Variants in PCDH7 observed in about 807,000 individuals in gnomAD.
The protein encoded by PCDH7 is protocadherin 7.
A neutral mutation model predicts 58.9 loss-of-function variants in PCDH7; 17 were observed. The ratio of observed to expected loss-of-function variants is 0.29; its 90% CI spans 0.20 to 0.43. The LOEUF (loss-of-function observed/expected upper bound fraction) is 0.43, where lower values mean the gene tolerates loss of function less well. Among genes scored for constraint, PCDH7 ranks in the 20% least tolerant of loss-of-function variants. PCDH7 has a pLI of 1.00. For synonymous variants in PCDH7, 664 were observed against 616.4 expected (o/e 1.08, Z -1.14); for missense variants, 1,274 against 1,441.0 (o/e 0.88, Z 1.88).
intron 1 of PCDH7, among the ~76,000 whole-genome samples, chr4:30,914,650 A>T (rs932476964): frequency 5.3e-5 from 8 of 152,232 alleles, no homozygotes; most frequent in Admixed American, 2.0e-4. Context: ...TTTCTTAAAA[A>T]GCATCAAAAC....
chr4:31,034,275 G>A (rs1208116668), intron 3 of PCDH7, among the ~76,000 whole-genome samples: 2 of 151,948 alleles, frequency 1.3e-5, no homozygotes, highest in South Asian at 2.1e-4. Flanking sequence ...GGCTTCAGAG[G>A]CATATTAAAT....
intron 1 of PCDH7, among the ~76,000 whole-genome samples, chr4:30,856,295 G>C (rs1412380167): frequency 6.6e-6 from 1 of 151,920 alleles, no homozygotes; most frequent in Non-Finnish European, 1.5e-5. Flanking sequence ...TTTTGCTTCT[G>C]AACAGAGAGA....
intron 1 of PCDH7, chr4:30,786,816 T>G (rs753842125): frequency 3.3e-6 from 3 of 900,564 alleles, no homozygotes; most frequent in Non-Finnish European, 4.0e-6. Flanking sequence ...ATATATGCAG[T>G]GTTCCAACTC....
Position 30,722,689 on chromosome 4 carries a change from AT to A in PCDH7, c.1268del (p.Ile423ThrfsTer99), listed in dbSNP as rs1713864229. The A allele has an allele frequency of 6.2e-7, 1 of 1,613,512 alleles. No individual in the cohort carries two copies. The highest frequency in any genetic ancestry group is 1.3e-5 in the African/African-American group (1 of 74,950). ...CATTGAAATCCGCAAGATTGGGCGC[AT>A]CCCCCTCAAGGACGGGGTGGCCAAC... On this transcript the variant is annotated frameshift_variant, in exon 1 of 2. Transcript: ENST00000361762. LOFTEE classifies it high-confidence loss of function. This position sits in a 1 kb window ranked among gnomAD's most constrained non-coding sequence, Gnocchi z 7.6.
intron 1 of PCDH7, among the ~76,000 whole-genome samples, chr4:30,862,880 G>T (rs574117673): frequency 6.6e-6 from 1 of 151,876 alleles, no homozygotes; most frequent in Non-Finnish European, 1.5e-5. Context: ...ATTTAGTGTC[G>T]CCCTGAACCA....
chr4:30,882,107 CCCT>C (rs1045993676), intron 1 of PCDH7, among the ~76,000 whole-genome samples: 6 of 143,662 alleles, frequency 4.2e-5, no homozygotes, highest in East Asian at 2.1e-4. Context: ...CCCCTCCTCC[CCCT>C]CCTCCTCCTC....
intron 1 of PCDH7, among the ~76,000 whole-genome samples, chr4:30,889,284 A>G (rs1017813436): frequency 1.3e-5 from 2 of 152,034 alleles, no homozygotes; most frequent in African/African-American, 4.8e-5. Flanking sequence ...CAGGCAGTTA[A>G]CTATGGTTTG....
chr4:31,082,933 C>G (rs550729182), intron 3 of PCDH7, among the ~76,000 whole-genome samples: 1 of 152,146 alleles, frequency 6.6e-6, no homozygotes, highest in African/African-American at 2.4e-5. Flanking sequence ...ATGGTGAAAC[C>G]CCGTCTCTAC....
At chr4:30,726,864 C>G (rs1228953429) in intron 1 of PCDH7, among the ~76,000 whole-genome samples, 2 of 151,950 alleles carry the variant, frequency 1.3e-5, no homozygotes, top group Non-Finnish European at 2.9e-5. Flanking sequence ...GATCCATTTA[C>G]AAAGTTACAT....
intron 1 of PCDH7, among the ~76,000 whole-genome samples, chr4:30,871,984 T>G (rs1735663913): frequency 6.6e-6 from 1 of 152,090 alleles, no homozygotes; most frequent in African/African-American, 2.4e-5. Context: ...ACACTAGTCA[T>G]ATTGGATTAG....
chr4:30,782,874 G>C (rs1357251586), intron 1 of PCDH7, among the ~76,000 whole-genome samples: 3 of 152,132 alleles, frequency 2.0e-5, no homozygotes, highest in Admixed American at 2.0e-4. Flanking sequence ...TCTCGAATGA[G>C]GGTCTTATGA....
At chr4:30,782,486 C>T (rs1722927014) in intron 1 of PCDH7, among the ~76,000 whole-genome samples, 1 of 152,110 alleles carries the variant, frequency 6.6e-6, no homozygotes, top group African/African-American at 2.4e-5. Context: ...TAGTTAAATG[C>T]AATCTTGTAA....
intron 3 of PCDH7, among the ~76,000 whole-genome samples, chr4:31,084,538 C>A (rs150328513): frequency 2.6e-4 from 39 of 150,992 alleles, no homozygotes; most frequent in Admixed American, 1.3e-3. Flanking sequence ...GCAGGCTATA[C>A]AGGAAGCATG....
At chr4:30,808,270 G>C (rs113252050) in intron 1 of PCDH7, among the ~76,000 whole-genome samples, 3 of 152,028 alleles carry the variant, frequency 2.0e-5, no homozygotes, top group African/African-American at 7.2e-5. Context: ...TAAAATATTC[G>C]GTAATTTTTC....
intron 3 of PCDH7, among the ~76,000 whole-genome samples, chr4:31,133,810 A>G (rs1355584665): frequency 6.6e-6 from 1 of 152,198 alleles, no homozygotes; most frequent in South Asian, 2.1e-4. Context: ...TCCACTCTAT[A>G]TAATAATGCC....
intron 1 of PCDH7, among the ~76,000 whole-genome samples, chr4:30,745,310 T>C (rs955729651): frequency 6.6e-6 from 1 of 151,982 alleles, no homozygotes; most frequent in Non-Finnish European, 1.5e-5. Context: ...TGGAGAACAA[T>C]TATAATGACT....
At chr4:31,137,223 GA>G (rs1578894285) in intron 3 of PCDH7, among the ~76,000 whole-genome samples, 2 of 152,058 alleles carry the variant, frequency 1.3e-5, no homozygotes, top group African/African-American at 4.8e-5. Context: ...CTTTAAAAAG[GA>G]AAAAAGGAAA....
At chr4:30,799,118 C>G (rs1725181728) in intron 1 of PCDH7, among the ~76,000 whole-genome samples, 1 of 152,036 alleles carries the variant, frequency 6.6e-6, no homozygotes, top group African/African-American at 2.4e-5. Flanking sequence ...TTTCTTTCTC[C>G]TTTCTTTTTT....
intron 3 of PCDH7, among the ~76,000 whole-genome samples, chr4:31,098,850 G>T (rs1714518168): frequency 6.6e-6 from 1 of 152,148 alleles, no homozygotes; most frequent in Admixed American, 6.5e-5. Context: ...AGTTCTGGAG[G>T]CTGAAAGTCA....
Sources: allele counts gnomAD v4.1 joint callset (sites outside exome capture counted in the v4.1 genomes callset), GRCh38; gene constraint gnomAD v4.1.1; non-coding constraint Gnocchi (gnomAD v3.1); transcripts MANE v1.5; gene names NCBI Gene and HGNC (gene_info 2026-07-23, HGNC 2026-07-21).